The following RAB22A variants were observed in gnomAD, a reference collection of about 807,000 sequenced individuals.
RAB22A encodes the protein ras-related protein Rab-22A.
A neutral mutation model predicts 30.2 loss-of-function variants in RAB22A; 13 were observed. The ratio of observed to expected loss-of-function variants is 0.43; its 90% CI spans 0.28 to 0.68. RAB22A has a LOEUF of 0.68. RAB22A is among the 30% of genes least tolerant of loss of function. The pLI is 0.18. For missense variants in RAB22A, 177 were observed against 246.8 expected (o/e 0.72, Z 1.89); for synonymous variants, 89 against 87.2 (o/e 1.02, Z -0.11).
intron 2 of RAB22A, among the ~76,000 whole-genome samples, chr20:58,342,006 T>G (rs1986862004): frequency 6.6e-6 from 1 of 152,232 alleles, no homozygotes; most frequent in Non-Finnish European, 1.5e-5. Flanking sequence ...ACTAAAACAT[T>G]TCCTGGAGCT....
Position 58,340,315 on chromosome 20 carries a change from C to A in RAB22A, c.117-3403C>A, listed in dbSNP as rs114453203. The stretch of plus-strand genomic sequence containing the variant: ...GGCTAGAAGGAGTTGGAGCTGGTGG[C>A]TTGGCAGAAGGCAGGAAGGACACTG... On this transcript the variant is annotated intron_variant, in intron 2 of 6. Coordinates refer to ENST00000244040, the MANE Select transcript of RAB22A (RefSeq NM_020673.3). 5.6e-3 allele frequency among the ~76,000 whole-genome samples: 846 copies of A among 152,124 alleles called. 3 individuals are homozygous for A. Among genetic ancestry groups the A allele is most frequent in the African/African-American group, 0.019 (803 of 41,422 alleles).
At chr20:58,346,692 T>G (rs1056319362) in intron 3 of RAB22A, among the ~76,000 whole-genome samples, 1 of 152,238 alleles carries the variant, frequency 6.6e-6, no homozygotes, top group African/African-American at 2.4e-5. Context: ...CCCATCAGAC[T>G]GTAACTCCAA....
rs1231994072 is a variant in RAB22A at position 58,358,630 on chromosome 20, C to T, written c.488-976C>T. 3.3e-5 allele frequency among the ~76,000 whole-genome samples: 5 copies of T among 152,208 alleles called. No homozygotes were observed. The East Asian group carries it at 5.8e-4, about 18-fold the overall frequency. The stretch of plus-strand genomic sequence containing the variant: ...AGGCAGCAGGCCAGGCACAGTGGCT[C>T]ACATCAGTAATCCCAGCACTTTGGG... On this transcript the variant is annotated intron_variant, in intron 6 of 6. Transcript: ENST00000244040.
At chr20:58,318,754 C>G (rs1986394030) in intron 2 of RAB22A, among the ~76,000 whole-genome samples, 1 of 152,202 alleles carries the variant, frequency 6.6e-6, no homozygotes, top group African/African-American at 2.4e-5. Context: ...CTCCCTCCAT[C>G]TTTCCATTAA....
At chr20:58,330,980 T>C (rs1326018438) in intron 2 of RAB22A, among the ~76,000 whole-genome samples, 1 of 152,210 alleles carries the variant, frequency 6.6e-6, no homozygotes, top group Admixed American at 6.5e-5. Context: ...CCCCTCTCTA[T>C]TTCCAGCCAC....
intron 2 of RAB22A, among the ~76,000 whole-genome samples, chr20:58,336,710 ATC>A (rs1265163966): frequency 6.6e-6 from 1 of 152,242 alleles, no homozygotes; most frequent in Non-Finnish European, 1.5e-5. Context: ...TTTTTAGAAT[ATC>A]TCTGAAATAT....
intron 6 of RAB22A, among the ~76,000 whole-genome samples, chr20:58,358,831 G>C (rs934499584): frequency 6.6e-6 from 1 of 151,432 alleles, no homozygotes; most frequent in African/African-American, 2.4e-5. Flanking sequence ...GGAAGCTTAG[G>C]TTGCAGTGAG....
intron 2 of RAB22A, among the ~76,000 whole-genome samples, chr20:58,337,459 T>A (rs1986776912): frequency 6.6e-6 from 1 of 152,196 alleles, no homozygotes; most frequent in African/African-American, 2.4e-5. Flanking sequence ...TTTAAGGGAA[T>A]CTGTTCACAG....
At chr20:58,352,430 A>C (rs2122967342) in intron 3 of RAB22A, among the ~76,000 whole-genome samples, 1 of 152,304 alleles carries the variant, frequency 6.6e-6, no homozygotes, top group Non-Finnish European at 1.5e-5. Context: ...GCAAGACGAA[A>C]ATTAAGTATA....
intron 2 of RAB22A, among the ~76,000 whole-genome samples, chr20:58,321,359 C>T (rs1031364977): frequency 2.0e-5 from 3 of 151,334 alleles, no homozygotes; most frequent in African/African-American, 4.9e-5. Flanking sequence ...GTGAGAACTC[C>T]GTGTCAAAAA....
intron 2 of RAB22A, among the ~76,000 whole-genome samples, chr20:58,337,286 C>T (rs1986773193): frequency 6.6e-6 from 1 of 151,932 alleles, no homozygotes; most frequent in African/African-American, 2.4e-5. Context: ...GGCTTGTGGC[C>T]CCTTCTTTCA....
chr20:58,334,749 G>A (rs1301751794), intron 2 of RAB22A, among the ~76,000 whole-genome samples: 3 of 133,894 alleles, frequency 2.2e-5, no homozygotes, highest in Admixed American at 1.5e-4. Flanking sequence ...TTTTTTTTTG[G>A]CCTTATTGTA....
At chr20:58,351,353 A>T (rs1158252977) in intron 3 of RAB22A, among the ~76,000 whole-genome samples, 1 of 152,072 alleles carries the variant, frequency 6.6e-6, no homozygotes. Flanking sequence ...AAAAAGAAAA[A>T]TGTGCAGTAT....
In RAB22A at chr20:58,353,193, G is replaced by GATAATT. The variant is rs1987080660; in HGVS notation, c.199-75_199-74insTATAAT. On this transcript the variant is annotated intron_variant, in intron 3 of 6. Coordinates refer to ENST00000244040, the MANE Select transcript of RAB22A (RefSeq NM_020673.3). ...AGAGAAAGATTACTTTTTGTGCAGG[G>GATAATT]ATAATGGGCTTATAAATCTAGTATA... 2.4e-6 allele frequency: 3 copies of GATAATT among 1,269,156 alleles called. No individual in the cohort carries two copies. The Admixed American group carries it at 5.8e-5, about 24-fold the overall frequency. 78.6% of individuals were successfully genotyped at this position (1,269,156 alleles called of 1,614,324 possible).
At chr20:58,359,548 A>C (rs1381425392) in intron 6 of RAB22A, 58 bp from the exon 7 acceptor site, 3 of 1,297,084 alleles carry the variant, frequency 2.3e-6, no homozygotes, top group Non-Finnish European at 3.2e-6. Flanking sequence ...CATCTGCAAA[A>C]TTGTTGTGTC....
chr20:58,350,959 A>C (rs1426109919), intron 3 of RAB22A, among the ~76,000 whole-genome samples: 3 of 152,222 alleles, frequency 2.0e-5, no homozygotes, highest in Non-Finnish European at 4.4e-5. Flanking sequence ...TAGTACAAAG[A>C]ATGGTAGGAT....
rs148243522 is a variant in RAB22A at position 58,365,385 on chromosome 20, G to A, written c.*5682G>A. 5 of 152,338 alleles carry A rather than the reference G, an allele frequency of 3.3e-5. No homozygotes were observed. The highest frequency in any genetic ancestry group is 2.1e-4 in the South Asian group (1 of 4,826). The allele number at this position is 152,338 out of a possible 1,614,324, so 9.4% of individuals were successfully genotyped here. On this transcript the variant is annotated 3_prime_UTR_variant, in exon 7 of 7. Coordinates refer to ENST00000244040, the MANE Select transcript of RAB22A (RefSeq NM_020673.3). ...AGTAGTCCCTGTGCCCATGCCCATGGTGGTGCTTGACTTTGCTTTGGGGCT... is the reference window on the plus strand; with the variant it reads ...AGTAGTCCCTGTGCCCATGCCCATGATGGTGCTTGACTTTGCTTTGGGGCT...
At chr20:58,351,962 CA>C (rs1269843094) in intron 3 of RAB22A, among the ~76,000 whole-genome samples, 1 of 151,980 alleles carries the variant, frequency 6.6e-6, no homozygotes, top group Non-Finnish European at 1.5e-5. Context: ...AATATAAAAA[CA>C]AATAAAGAAT....
At chr20:58,330,869 C>A (rs1156824165) in intron 2 of RAB22A, among the ~76,000 whole-genome samples, 1 of 152,222 alleles carries the variant, frequency 6.6e-6, no homozygotes, top group Non-Finnish European at 1.5e-5. Context: ...GTCCATTGGA[C>A]TCCTTGGCAT....
Sources: allele counts gnomAD v4.1 joint callset (sites outside exome capture counted in the v4.1 genomes callset), GRCh38; gene constraint gnomAD v4.1.1; transcripts MANE v1.5; gene names NCBI Gene and HGNC (gene_info 2026-07-23, HGNC 2026-07-21).